SDK1: variants seen among roughly 807,000 people sequenced by gnomAD.
SDK1 encodes the protein protein sidekick-1.
A neutral mutation model predicts 245.5 loss-of-function variants in SDK1; 157 were observed. The observed-to-expected ratio is 0.64, with a 90% CI of 0.56 to 0.73. The LOEUF is 0.73. Among genes scored for constraint, SDK1 ranks in the 30% least tolerant of loss-of-function variants. The probability of loss-of-function intolerance (pLI) is 0.00; values close to 1 mark genes in which losing one functional copy is unlikely to be tolerated. For missense variants in SDK1, 3,583 were observed against 3,002.3 expected (o/e 1.19, Z -4.52); for synonymous variants, 1,647 against 1,278.5 (o/e 1.29, Z -6.15).
At chr7:3,807,346 G>A (rs991602557) in intron 4 of SDK1, among the ~76,000 whole-genome samples, 1 of 152,166 alleles carries the variant, frequency 6.6e-6, no homozygotes, top group East Asian at 1.9e-4. Context: ...CACATAACTC[G>A]GGTGGTGTGG....
intron 1 of SDK1, among the ~76,000 whole-genome samples, chr7:3,527,827 A>G (rs1783196591): frequency 6.6e-6 from 1 of 151,080 alleles, no homozygotes; most frequent in East Asian, 2.0e-4. Context: ...AGGTTGGATG[A>G]TAGTCAGCTA....
At chr7:4,115,297 G>GACTA (rs1783629868) in intron 25 of SDK1, among the ~76,000 whole-genome samples, 1 of 152,178 alleles carries the variant, frequency 6.6e-6, no homozygotes, top group African/African-American at 2.4e-5. Flanking sequence ...GTTCATTCTG[G>GACTA]ACTAACCTAG....
intron 4 of SDK1, among the ~76,000 whole-genome samples, chr7:3,755,596 A>G (rs1312719984): frequency 2.6e-5 from 4 of 152,146 alleles, no homozygotes; most frequent in African/African-American, 9.7e-5. Context: ...GAGTCTGATA[A>G]CCACCTCCAC....
At chr7:3,573,792 G>T (rs1422414447) in intron 1 of SDK1, among the ~76,000 whole-genome samples, 1 of 151,920 alleles carries the variant, frequency 6.6e-6, no homozygotes, top group Non-Finnish European at 1.5e-5. Flanking sequence ...CCTTTTCTAA[G>T]TCATGCTGAG....
intron 4 of SDK1, among the ~76,000 whole-genome samples, chr7:3,771,465 C>G (rs999205376): frequency 7.9e-5 from 12 of 152,112 alleles, no homozygotes; most frequent in African/African-American, 2.9e-4. Flanking sequence ...ATAAACTTAA[C>G]TCACCCTCAT....
intron 1 of SDK1, among the ~76,000 whole-genome samples, chr7:3,424,405 C>A (rs1253332020): frequency 6.6e-6 from 1 of 152,026 alleles, no homozygotes; most frequent in African/African-American, 2.4e-5. Context: ...GTTATACCAC[C>A]CTCAAATATA....
intron 1 of SDK1, among the ~76,000 whole-genome samples, chr7:3,438,408 C>T (rs574590987): frequency 6.6e-6 from 1 of 152,150 alleles, no homozygotes; most frequent in Non-Finnish European, 1.5e-5. Context: ...ATTCTAGATT[C>T]TAACATTTAC....
chr7:3,556,303 A>G (rs953442463), intron 1 of SDK1, among the ~76,000 whole-genome samples: 1 of 152,162 alleles, frequency 6.6e-6, no homozygotes. Context: ...TCAAGCACAG[A>G]AGGACAAACT....
At chr7:4,013,140 G>A (rs1200486657) in intron 16 of SDK1, among the ~76,000 whole-genome samples, 1 of 152,214 alleles carries the variant, frequency 6.6e-6, no homozygotes, top group Non-Finnish European at 1.5e-5. Flanking sequence ...AGATGTGGCT[G>A]AAGGGTAGCC....
At chr7:3,940,713 C>G (rs1780331242) in intron 5 of SDK1, among the ~76,000 whole-genome samples, 2 of 152,028 alleles carry the variant, frequency 1.3e-5, no homozygotes, top group African/African-American at 4.8e-5. Context: ...CCCAGCTACT[C>G]CGGAGGCTGA....
At chr7:3,789,169 C>T (rs931344398) in intron 4 of SDK1, among the ~76,000 whole-genome samples, 5 of 151,752 alleles carry the variant, frequency 3.3e-5, no homozygotes, top group African/African-American at 7.2e-5. Context: ...TTTTTTTGGA[C>T]GGAGTTTCAC....
intron 1 of SDK1, among the ~76,000 whole-genome samples, chr7:3,564,001 C>T (rs757309084): frequency 6.6e-6 from 1 of 151,890 alleles, no homozygotes; most frequent in Non-Finnish European, 1.5e-5. Context: ...AACTGAAAGA[C>T]AGTGAAAACA....
At position 3,848,713 on chromosome 7, in the gene SDK1, T is replaced by G. The variant is rs140983156; in HGVS notation, c.847+27130T>G. 6.9e-3 allele frequency among the ~76,000 whole-genome samples: 1,048 copies of G among 151,536 alleles called. 14 individuals carry two copies. The highest frequency in any genetic ancestry group is 0.024 in the African/African-American group (980 of 41,384). On this transcript the variant is annotated intron_variant, in intron 5 of 44. Coordinates refer to ENST00000404826, the MANE Select transcript of SDK1 (RefSeq NM_152744.4). Reference sequence around the variant, plus strand: ...TGAGACAGTGTATTGCTCTTGTCACTCAGGCTGGAGTGCAGTGGCGCGATC... The same window carrying G: ...TGAGACAGTGTATTGCTCTTGTCACGCAGGCTGGAGTGCAGTGGCGCGATC...
At chr7:3,948,724 C>T (rs1379490314) in intron 5 of SDK1, among the ~76,000 whole-genome samples, 3 of 152,326 alleles carry the variant, frequency 2.0e-5, no homozygotes, top group Middle Eastern at 3.4e-3. Context: ...CACAGCACAG[C>T]CCCTTGGAGT....
At chr7:3,730,222 G>A (rs1352094068) in intron 4 of SDK1, among the ~76,000 whole-genome samples, 2 of 152,106 alleles carry the variant, frequency 1.3e-5, no homozygotes, top group Non-Finnish European at 2.9e-5. Flanking sequence ...AATAGGGAAG[G>A]GCATCTCAGC....
intron 4 of SDK1, among the ~76,000 whole-genome samples, chr7:3,695,341 C>T (rs1784541433): frequency 6.6e-6 from 1 of 152,156 alleles, no homozygotes; most frequent in South Asian, 2.1e-4. Context: ...CAAATAGATG[C>T]TCATCGTAGT....
chr7:4,219,903 C>G (rs1431859779), intron 38 of SDK1, among the ~76,000 whole-genome samples: 1 of 150,216 alleles, frequency 6.7e-6, no homozygotes, highest in Non-Finnish European at 1.5e-5. Context: ...TTTTCTTTGT[C>G]AGCACCCACT....
chr7:3,426,462 T>G (rs1779680157), intron 1 of SDK1, among the ~76,000 whole-genome samples: 1 of 152,188 alleles, frequency 6.6e-6, no homozygotes, highest in South Asian at 2.1e-4. Flanking sequence ...GCTCCTCATT[T>G]CCCTTCTCTC....
At chr7:4,235,137 G>C (rs1019794785) in intron 41 of SDK1, among the ~76,000 whole-genome samples, 3 of 152,190 alleles carry the variant, frequency 2.0e-5, no homozygotes, top group African/African-American at 7.2e-5. Flanking sequence ...CTGTGAGAGG[G>C]GCTGTGAGGA....
Sources: gnomAD v4.1 joint callset for allele counts (sites outside exome capture counted in the v4.1 genomes callset) on GRCh38, gnomAD v4.1.1 for gene constraint, MANE v1.5 for transcripts, NCBI Gene and HGNC (gene_info 2026-07-23, HGNC 2026-07-21) for gene names.